The following HTR1D variants were observed in gnomAD, a reference collection of about 807,000 sequenced individuals.
The protein encoded by HTR1D is 5-hydroxytryptamine receptor 1D, also known as 5-HT-1D.
HTR1D carries 18 observed loss-of-function variants against 21.1 expected under a neutral mutation model. The ratio of observed to expected loss-of-function variants is 0.85; its 90% CI spans 0.59 to 1.27. The LOEUF (loss-of-function observed/expected upper bound fraction) is 1.27, where lower values mean the gene tolerates loss of function less well. Ranked by LOEUF, HTR1D falls within the 50% of genes most tolerant of loss-of-function variation. The pLI, the probability that HTR1D is intolerant of heterozygous loss-of-function variation, is 0.00. For synonymous variants in HTR1D, 196 were observed against 204.4 expected, an observed-to-expected ratio of 0.96 and a Z score of 0.35; for missense variants, 456 against 481.4, an observed-to-expected ratio of 0.95 and a Z score of 0.49.
At chr1:23,210,901 T>G (rs1015342228) in intron 1 of HTR1D, among the ~76,000 whole-genome samples, 7 of 152,148 alleles carry the variant, frequency 4.6e-5, no homozygotes, top group Non-Finnish European at 1.0e-4. Flanking sequence ...GAGAACACTT[T>G]GAGCTGATGG....
chr1:23,193,329 C>G lies in HTR1D; in HGVS notation c.891G>C (p.Arg297Ser), dbSNP rs200405620. 1.9e-6 allele frequency: 3 copies of G among 1,614,058 alleles called. No individual in the cohort carries two copies. The Admixed American group carries it at 5.0e-5, about 27-fold the overall frequency. The part of the protein sequence containing the change: ...ERKRISAARE[R>S]KATKILGIIL... ...TGATGCCCAGGATTTTAGTGGCTTT[C>G]CTTTCTCGAGCAGCAGAAATCCTCT... is the stretch of plus-strand genomic sequence containing the variant. The change falls in exon 2 of 2, where the codon AGG (arginine) becomes AGC (serine). Residue 297 changes from arginine (R) to serine (S), a missense_variant. Physicochemically the swap from Arg to Ser is moderately radical, Grantham distance 110. Transcript: ENST00000374619.
At chr1:23,196,456 A>C (rs1365410686) in intron 1 of HTR1D, among the ~76,000 whole-genome samples, 2 of 150,938 alleles carry the variant, frequency 1.3e-5, no homozygotes, top group Admixed American at 6.6e-5. Context: ...AAAAAAAAAA[A>C]AGAAGGAGCA....
chr1:23,202,643 C>A (rs1392215617), intron 1 of HTR1D, among the ~76,000 whole-genome samples: 2 of 152,128 alleles, frequency 1.3e-5, no homozygotes, highest in Non-Finnish European at 2.9e-5. Flanking sequence ...AGAATACATC[C>A]CCCACACAGT....
intron 1 of HTR1D, among the ~76,000 whole-genome samples, chr1:23,199,538 C>A (rs1644702324): frequency 6.8e-6 from 1 of 147,068 alleles, no homozygotes; most frequent in South Asian, 2.2e-4. Context: ...TCAAGTGATC[C>A]TCCCAACTTG....
At chr1:23,207,068 G>A (rs1459966201) in intron 1 of HTR1D, among the ~76,000 whole-genome samples, 1 of 152,082 alleles carries the variant, frequency 6.6e-6, no homozygotes, top group African/African-American at 2.4e-5. Context: ...AGATTCTCTT[G>A]GTGAGCATCA....
At chr1:23,196,789 G>A (rs1050362358) in intron 1 of HTR1D, among the ~76,000 whole-genome samples, 5 of 152,102 alleles carry the variant, frequency 3.3e-5, no homozygotes, top group Admixed American at 6.6e-5. Context: ...CACCTGGCTG[G>A]AAGTGGAAAA....
At chr1:23,195,643 T>C (rs1644685825) in intron 1 of HTR1D, among the ~76,000 whole-genome samples, 1 of 152,176 alleles carries the variant, frequency 6.6e-6, no homozygotes, top group Admixed American at 6.5e-5. Context: ...TTCACCATGT[T>C]GGCCAGTCTG....
chr1:23,216,894 G>A (rs1274519023), intron 1 of HTR1D, among the ~76,000 whole-genome samples: 1 of 152,112 alleles, frequency 6.6e-6, no homozygotes, highest in African/African-American at 2.4e-5. Context: ...CCGCGGCGCC[G>A]CGCCCGAACC....
chr1:23,193,253 C>T lies in HTR1D; in HGVS notation c.967G>A (p.Val323Ile), dbSNP rs368214263. The T allele has an allele frequency of 5.0e-6, 8 of 1,613,926 alleles. No homozygotes were observed. In the Admixed American group the frequency reaches 5.0e-5, roughly 10 times the overall value. ...CAGGAGTCCCGGCAGATGGGGAGGA[C>T]CAGAGACACCACGAAGAAGGGCAGC... ...CWLPFFVVSL[V>I]LPICRDSCWI... Residue 323 changes from valine to isoleucine, a missense_variant, in exon 2 of 2, where the codon GTC (valine) becomes ATC (isoleucine). By Grantham distance (29) the Val-to-Ile change is conservative (BLOSUM62 3). Coordinates refer to ENST00000374619, the MANE Select transcript of HTR1D (RefSeq NM_000864.5).
rs1644660798 is a variant in HTR1D, at chr1:23,192,328, G to A, written c.*758C>T. On this transcript the variant is annotated 3_prime_UTR_variant, in exon 2 of 2. Transcript: ENST00000374619. ...ATGGATATTATTTTCCAATCAAGGT[G>A]CCACACAGAATGGAGACCCATCCTG... 1 of 152,610 alleles carries A rather than the reference G, an allele frequency of 6.6e-6. No homozygotes were observed. Among genetic ancestry groups the A allele is most frequent in the South Asian group, 2.1e-4 (1 of 4,824 alleles). 9.5% of individuals were successfully genotyped at this position (152,610 alleles called of 1,614,324 possible).
At chr1:23,198,737 C>A (rs1335896684) in intron 1 of HTR1D, among the ~76,000 whole-genome samples, 1 of 152,052 alleles carries the variant, frequency 6.6e-6, no homozygotes, top group Non-Finnish European at 1.5e-5. Flanking sequence ...GGCAGAGTGC[C>A]AAAGTCAAAA....
At chr1:23,200,648 A>G (rs1360902834) in intron 1 of HTR1D, among the ~76,000 whole-genome samples, 1 of 152,172 alleles carries the variant, frequency 6.6e-6, no homozygotes, top group African/African-American at 2.4e-5. Context: ...TGTTGGGATT[A>G]TAGACCTGAG....
chr1:23,199,086 C>T (rs891508080), intron 1 of HTR1D, among the ~76,000 whole-genome samples: 2 of 151,998 alleles, frequency 1.3e-5, no homozygotes, highest in Admixed American at 6.6e-5. Flanking sequence ...CTTGGCCTCC[C>T]AAAGTGCTGG....
Position 23,194,405 on chromosome 1 carries a change from A to G in HTR1D, c.-186T>C. The G allele has an allele frequency of 2.3e-6, 1 of 437,506 alleles. No individual in the cohort carries two copies. Among genetic ancestry groups the G allele is most frequent in the South Asian group, 5.7e-5 (1 of 17,546 alleles). 27.1% of individuals were successfully genotyped at this position (437,506 alleles called of 1,614,324 possible). Reference sequence around the variant, plus strand: ...AGTACAGTTGCAATAAAATAAAATTAAATAACAATAATAATAATAATATTA... The same window carrying G: ...AGTACAGTTGCAATAAAATAAAATTGAATAACAATAATAATAATAATATTA... On this transcript the variant is annotated 5_prime_UTR_variant, in exon 2 of 2. Coordinates refer to ENST00000374619, the MANE Select transcript of HTR1D (RefSeq NM_000864.5).
chr1:23,216,803 G>A (rs1343735416), intron 1 of HTR1D, among the ~76,000 whole-genome samples: 4 of 152,162 alleles, frequency 2.6e-5, no homozygotes, highest in Non-Finnish European at 5.9e-5. Flanking sequence ...CAAGGTCACA[G>A]AGCCGGTCAG....
intron 1 of HTR1D, among the ~76,000 whole-genome samples, chr1:23,198,593 C>T (rs1341856312): frequency 1.3e-5 from 2 of 152,054 alleles, no homozygotes; most frequent in Non-Finnish European, 2.9e-5. Flanking sequence ...AAATAGCAAA[C>T]AACTAAAAAC....
Position 23,193,556 on chromosome 1 carries a change from G to C in HTR1D, c.664C>G (p.Arg222Gly). The change falls in exon 2 of 2, where the codon CGG becomes GGG. Residue 222 changes from arginine (R) to glycine (G), a missense_variant. Transcript: ENST00000374619. ...LLIILYGRIYRAARNRILNPP... is the reference protein window; with the variant it reads ...LLIILYGRIYGAARNRILNPP... ...TTCAGGATGCGGTTCCGGGCAGCCC[G>C]GTAGATCCGGCCATATAGGATGATG... 6.2e-7 allele frequency: 1 copy of C among 1,614,026 alleles called. No individual in the cohort carries two copies. Among genetic ancestry groups the C allele is most frequent in the African/African-American group, 1.3e-5 (1 of 75,052 alleles).
At chr1:23,198,186 C>T (rs951312919) in intron 1 of HTR1D, among the ~76,000 whole-genome samples, 5 of 146,264 alleles carry the variant, frequency 3.4e-5, no homozygotes, top group African/African-American at 7.8e-5. Flanking sequence ...GGTGAAACCC[C>T]GTCTCTACTA....
In HTR1D at chr1:23,196,256, C is replaced by T. The variant is rs540901147; in HGVS notation, c.-782-1255G>A. On this transcript the variant is annotated intron_variant, in intron 1 of 1. Transcript: ENST00000374619. Reference sequence around the variant, plus strand: ...GGTCGGGAGTTCGAGACCAGCCTGACCAACATGGAGATACCCCGTCTCTAC... The same window carrying T: ...GGTCGGGAGTTCGAGACCAGCCTGATCAACATGGAGATACCCCGTCTCTAC... 6.6e-4 allele frequency among the ~76,000 whole-genome samples: 100 copies of T among 152,104 alleles called. 5 individuals are homozygous for T. In the East Asian group the frequency reaches 9.3e-3, roughly 14 times the overall value.
Sources: gnomAD v4.1 joint callset for allele counts (sites outside exome capture counted in the v4.1 genomes callset) on GRCh38, gnomAD v4.1.1 for gene constraint, MANE v1.5 for transcripts, NCBI Gene and HGNC (gene_info 2026-07-23, HGNC 2026-07-21) for gene names.